The following ZBTB41 variants were observed in gnomAD, a reference collection of about 807,000 sequenced individuals.
The protein encoded by ZBTB41 is zinc finger and BTB domain-containing protein 41.
ZBTB41 carries 42 observed loss-of-function variants against 87.6 expected under a neutral mutation model. The observed-to-expected ratio is 0.48, with a 90% CI of 0.37 to 0.62. The LOEUF (loss-of-function observed/expected upper bound fraction) is 0.62, where lower values mean the gene tolerates loss of function less well. Ranked by LOEUF, ZBTB41 falls within the 20% of genes least tolerant of loss-of-function variation. ZBTB41 has a pLI of 0.00. For missense variants in ZBTB41, 799 were observed against 1,078.9 expected (o/e 0.74, Z 3.63); for synonymous variants, 364 against 364.0 (o/e 1.00, Z 0.00).
rs950427794 is a variant in ZBTB41, at chr1:197,175,040, C to T, written c.1955G>A (p.Ser652Asn). Residue 652 changes from serine to asparagine, a missense_variant, in exon 9 of 11, where the codon AGC (serine) becomes AAC (asparagine). By Grantham distance (46) the Ser-to-Asn change is conservative. Around this residue, in one of 5 missense-constraint regions of ZBTB41, gnomAD observed 198 missense variants for 358.4 expected, o/e 0.55. Coordinates refer to ENST00000367405, the MANE Select transcript of ZBTB41 (RefSeq NM_194314.3). ...RRDHLTVHYK[S>N]VHLGEKVWQK... ...CCACACTTTCTCTCCAAGGTGTACG[C>T]TTTTGTAATGAACAGTGAGATGATC... 6.2e-7 allele frequency: 1 copy of T among 1,610,436 alleles called. No homozygotes were observed.
intron 2 of ZBTB41, among the ~76,000 whole-genome samples, chr1:197,196,847 T>C (rs1660175468): frequency 6.6e-6 from 1 of 152,180 alleles, no homozygotes; most frequent in South Asian, 2.1e-4. Flanking sequence ...TCCTTCTGTC[T>C]TGTAAACTGT....
chr1:197,156,359 A>G lies in ZBTB41; in HGVS notation c.*3000T>C, dbSNP rs2125120247. 1 of 152,372 alleles carries G rather than the reference A, an allele frequency of 6.6e-6. No homozygotes were observed. Among genetic ancestry groups the G allele is most frequent in the South Asian group, 2.1e-4 (1 of 4,826 alleles). 9.4% of individuals were successfully genotyped at this position (152,372 alleles called of 1,614,324 possible). A position where few individuals can be genotyped will look rare whatever the true frequency, so the allele number is the denominator to read the frequency against. On this transcript the variant is annotated 3_prime_UTR_variant, in exon 11 of 11. Coordinates refer to ENST00000367405, the MANE Select transcript of ZBTB41 (RefSeq NM_194314.3). ...TTAAGTCAAAACCCATTAGATTAACACATTCCTGCACTTGATAAATTATTC... is the reference window on the plus strand; with the variant it reads ...TTAAGTCAAAACCCATTAGATTAACGCATTCCTGCACTTGATAAATTATTC...
At chr1:197,162,662 C>T (rs1231792303) in intron 10 of ZBTB41, among the ~76,000 whole-genome samples, 1 of 152,102 alleles carries the variant, frequency 6.6e-6, no homozygotes, top group Non-Finnish European at 1.5e-5. Context: ...AAAATAACCC[C>T]CACACCCAAA....
In ZBTB41 at chr1:197,180,973, C is replaced by A; in HGVS notation, c.1676+15G>T. On this transcript the variant is annotated intron_variant, in intron 6 of 10. Transcript: ENST00000367405. ...TAGTACTAGGATTTTTGTGGGTGTG[C>A]AGATAATTCTTCACCTTTCTCGTAC... is the stretch of plus-strand genomic sequence containing the variant. 1 of 1,581,186 alleles carries A rather than the reference C, an allele frequency of 6.3e-7. No homozygotes were observed. The highest frequency in any genetic ancestry group is 8.5e-7 in the Non-Finnish European group (1 of 1,171,612).
Position 197,199,381 on chromosome 1 carries a change from T to G in ZBTB41, c.1093A>C (p.Lys365Gln). ...ATTCGGTCAAATGTTTTATCACATT[T>G]AGGACACTGCAATATTTTTTTGTTG... ...NSNKKILQCP[K>Q]CDKTFDRIGK... The change falls in exon 2 of 11, where the codon AAA (lysine) becomes CAA (glutamine). Residue 365 changes from lysine to glutamine, a missense_variant. Lys to Gln is a moderately conservative substitution (Grantham distance 53). This residue lies in a region of ZBTB41 where 294 missense variants were observed against 340.1 expected (regional missense o/e 0.86). Transcript: ENST00000367405. 3 of 1,575,112 alleles carry G rather than the reference T, an allele frequency of 1.9e-6. No homozygotes were observed. Among genetic ancestry groups the G allele is most frequent in the South Asian group, 2.4e-5 (2 of 82,672 alleles).
chr1:197,170,260 C>CT (rs35134363), intron 10 of ZBTB41, among the ~76,000 whole-genome samples: 118,408 of 151,390 alleles, frequency 0.78, 49,314 homozygotes, highest in East Asian at 1. Context: ...GGTATCCCAA[C>CT]AAGGAAAAAA....
At chr1:197,176,285 A>G (rs1557979852) in intron 8 of ZBTB41, among the ~76,000 whole-genome samples, 1 of 152,134 alleles carries the variant, frequency 6.6e-6, no homozygotes. Context: ...TATCCATGTA[A>G]TATGCAAAAT....
intron 6 of ZBTB41, among the ~76,000 whole-genome samples, chr1:197,180,733 C>A (rs115048922): frequency 6.6e-6 from 1 of 151,356 alleles, no homozygotes; most frequent in Non-Finnish European, 1.5e-5. Context: ...AAACAAAAAC[C>A]CTTAATCTAG....
At chr1:197,198,938 T>C (rs1660231525) in intron 2 of ZBTB41, among the ~76,000 whole-genome samples, 1 of 152,150 alleles carries the variant, frequency 6.6e-6, no homozygotes, top group South Asian at 2.1e-4. Context: ...TGACAACATT[T>C]ATAACTCATA....
chr1:197,161,022 G>A (rs1659188452), intron 10 of ZBTB41, among the ~76,000 whole-genome samples: 1 of 152,064 alleles, frequency 6.6e-6, no homozygotes, highest in African/African-American at 2.4e-5. Flanking sequence ...CAAGAAAACG[G>A]GAATCTCAGT....
intron 2 of ZBTB41, among the ~76,000 whole-genome samples, chr1:197,197,520 A>G (rs1322808606): frequency 1.2e-5 from 1 of 86,906 alleles, no homozygotes; most frequent in Non-Finnish European, 2.5e-5. Flanking sequence ...CTGAACTTGG[A>G]AAAAAAGGAA....
Position 197,159,175 on chromosome 1 carries a change from C to A in ZBTB41, c.*184G>T. ...AAAATGTGCACTTCAAATATTATGC[C>A]AGAAATTTTGTCCAAATATTCATGT... On this transcript the variant is annotated 3_prime_UTR_variant, in exon 11 of 11. Coordinates refer to ENST00000367405, the MANE Select transcript of ZBTB41 (RefSeq NM_194314.3). 1 of 570,490 alleles carries A rather than the reference C, an allele frequency of 1.8e-6. No individual in the cohort carries two copies. The highest frequency in any genetic ancestry group is 2.9e-5 in the South Asian group (1 of 34,932). The allele number at this position is 570,490 out of a possible 1,614,324, so 35.3% of individuals were successfully genotyped here.
intron 2 of ZBTB41, 113 bp downstream of exon 2, chr1:197,199,241 A>T: frequency 1.9e-6 from 2 of 1,073,930 alleles, no homozygotes; most frequent in Non-Finnish European, 2.5e-6. Context: ...TATTCTCCCT[A>T]CTTAAACAGT....
rs747593839 is a variant in ZBTB41 at position 197,159,802 on chromosome 1, G to A, written c.2287C>T (p.Leu763Phe). The change falls in exon 11 of 11, where the codon CTT becomes TTT. Residue 763 changes from leucine to phenylalanine, a missense_variant. Transcript: ENST00000367405. Reference sequence around the variant, plus strand: ...GAGTACTCAACTGGCAAGGATACAAGTTTTTCCTCAGAAGTACTGAGAGGA... The same window carrying A: ...GAGTACTCAACTGGCAAGGATACAAATTTTTCCTCAGAAGTACTGAGAGGA... Reference protein sequence around the residue: ...DDPLSTSEEKLVSLPVEYSSD... With the variant: ...DDPLSTSEEKFVSLPVEYSSD... The A allele has an allele frequency of 6.2e-7, 1 of 1,613,858 alleles. No homozygotes were observed. The highest frequency in any genetic ancestry group is 8.5e-7 in the Non-Finnish European group (1 of 1,179,918).
At chr1:197,169,994 A>C (rs1356037702) in intron 10 of ZBTB41, among the ~76,000 whole-genome samples, 2 of 151,906 alleles carry the variant, frequency 1.3e-5, no homozygotes, top group African/African-American at 4.8e-5. Context: ...GAACATAATA[A>C]ATTTATTTAC....
intron 2 of ZBTB41, 31 bp from the exon 3 acceptor site, chr1:197,191,930 T>G: frequency 1.3e-6 from 2 of 1,513,408 alleles, no homozygotes; most frequent in Non-Finnish European, 1.8e-6. Context: ...AAATTAAATT[T>G]AGTACATTTG....
At chr1:197,170,508 T>C (rs1420623585) in intron 10 of ZBTB41, among the ~76,000 whole-genome samples, 1 of 152,154 alleles carries the variant, frequency 6.6e-6, no homozygotes, top group East Asian at 1.9e-4. Flanking sequence ...AATGACATTC[T>C]GGCTAATCTA....
chr1:197,159,076 T>A lies in ZBTB41; in HGVS notation c.*283A>T. On this transcript the variant is annotated 3_prime_UTR_variant, in exon 11 of 11. Transcript: ENST00000367405. Reference sequence around the variant, plus strand: ...ATGATTAAAAAAAATACTTCCATAATATCAGCAGCTAATAATTGCAAAAAA... The same window carrying A: ...ATGATTAAAAAAAATACTTCCATAAAATCAGCAGCTAATAATTGCAAAAAA... 3.2e-6 allele frequency: 1 copy of A among 316,650 alleles called. No homozygotes were observed. Among genetic ancestry groups the A allele is most frequent in the Non-Finnish European group, 5.8e-6 (1 of 172,552 alleles). The allele number at this position is 316,650 out of a possible 1,614,324, so 19.6% of individuals were successfully genotyped here.
intron 1 of ZBTB41, among the ~76,000 whole-genome samples, chr1:197,200,934 C>T (rs769044062): frequency 2.8e-4 from 43 of 152,128 alleles, no homozygotes; most frequent in Non-Finnish European, 3.7e-4. Context: ...GGGATGGTGA[C>T]AATAAGGCCG....
Sources: gnomAD v4.1 joint callset for allele counts (sites outside exome capture counted in the v4.1 genomes callset) on GRCh38, gnomAD v4.1.1 for gene constraint, gnomAD v4.1.1 regional missense constraint, MANE v1.5 for transcripts, NCBI Gene and HGNC (gene_info 2026-07-23, HGNC 2026-07-21) for gene names.